The following ANKRD11 variants were observed in gnomAD, a reference collection of about 807,000 sequenced individuals.
The protein encoded by ANKRD11 is ankyrin repeat domain 11.
A neutral mutation model predicts 195.7 loss-of-function variants in ANKRD11; 17 were observed. That is an observed-to-expected ratio of 0.09 (90% CI 0.06 to 0.13). The LOEUF (loss-of-function observed/expected upper bound fraction) is 0.13, where lower values mean the gene tolerates loss of function less well. ANKRD11 is among the 10% of genes least tolerant of loss of function. The pLI is 1.00. For missense variants in ANKRD11, 3,735 were observed against 3,566.1 expected (o/e 1.05, Z -1.21); for synonymous variants, 1,953 against 1,528.1 (o/e 1.28, Z -6.49).
At chr16:89,426,670 C>A (rs112709248) in intron 1 of ANKRD11, among the ~76,000 whole-genome samples, 1 of 152,150 alleles carries the variant, frequency 6.6e-6, no homozygotes, top group African/African-American at 2.4e-5. Context: ...AGTAAACCCA[C>A]AGAATTCCAA....
chr16:89,273,858 A>G (rs2033400730), intron 11 of ANKRD11, among the ~76,000 whole-genome samples: 2 of 152,184 alleles, frequency 1.3e-5, no homozygotes, highest in Admixed American at 1.3e-4. Context: ...TGCACTGCTC[A>G]GAGTGCCCAG....
chr16:89,340,437 G>A (rs2038601199), intron 2 of ANKRD11, among the ~76,000 whole-genome samples: 1 of 152,180 alleles, frequency 6.6e-6, no homozygotes, highest in Admixed American at 6.5e-5. Context: ...ACCATGCCTG[G>A]CTAGTTTTTG....
At chr16:89,313,674 A>G (rs532929663) in intron 3 of ANKRD11, 4 of 1,163,508 alleles carry the variant, frequency 3.4e-6, no homozygotes, top group South Asian at 2.6e-5. Context: ...AAACCATTTC[A>G]GCCTGTACCA....
chr16:89,312,735 CG>C (rs2036679683), intron 3 of ANKRD11, among the ~76,000 whole-genome samples: 2 of 152,316 alleles, frequency 1.3e-5, no homozygotes, highest in Admixed American at 1.3e-4. Flanking sequence ...CCGAAGCATG[CG>C]GGGGAGTTCT....
intron 1 of ANKRD11, among the ~76,000 whole-genome samples, chr16:89,437,819 C>T (rs1203108111): frequency 2.0e-5 from 3 of 152,196 alleles, no homozygotes; most frequent in Admixed American, 1.3e-4. Flanking sequence ...GCAACCCACC[C>T]TCCAGGGCAC....
At chr16:89,431,997 T>A (rs2042998680) in intron 1 of ANKRD11, among the ~76,000 whole-genome samples, 1 of 152,094 alleles carries the variant, frequency 6.6e-6, no homozygotes. Context: ...CCCATCACTG[T>A]CACTCCTCCC....
intron 1 of ANKRD11, among the ~76,000 whole-genome samples, chr16:89,424,468 A>C (rs577692178): frequency 6.6e-6 from 1 of 152,040 alleles, no homozygotes; most frequent in East Asian, 1.9e-4. Flanking sequence ...GAGAAAGAAA[A>C]AAGTCTCATT....
At chr16:89,414,346 T>C (rs1434474068) in intron 2 of ANKRD11, among the ~76,000 whole-genome samples, 1 of 152,072 alleles carries the variant, frequency 6.6e-6, no homozygotes, top group Non-Finnish European at 1.5e-5. Context: ...AACACCCACA[T>C]GTTGCAAGGG....
intron 2 of ANKRD11, among the ~76,000 whole-genome samples, chr16:89,366,714 C>G (rs904792696): frequency 6.6e-6 from 1 of 152,182 alleles, no homozygotes; most frequent in African/African-American, 2.4e-5. Flanking sequence ...CAACTGGACA[C>G]CATCCATGAC....
chr16:89,483,619 G>A (rs568576693), intron 1 of ANKRD11, among the ~76,000 whole-genome samples: 3 of 152,224 alleles, frequency 2.0e-5, no homozygotes, highest in African/African-American at 4.8e-5. Flanking sequence ...ACCTGAGGTC[G>A]GGAGTTTGAG....
chr16:89,370,302 GAGA>G (rs1427903873), intron 2 of ANKRD11, among the ~76,000 whole-genome samples: 2 of 152,200 alleles, frequency 1.3e-5, no homozygotes, highest in African/African-American at 4.8e-5. Context: ...CTCTGAGGAT[GAGA>G]AGATGTTTCT....
chr16:89,447,976 T>C (rs1186060344), intron 1 of ANKRD11, among the ~76,000 whole-genome samples: 1 of 152,024 alleles, frequency 6.6e-6, no homozygotes, highest in Non-Finnish European at 1.5e-5. Context: ...GGCTCATTTT[T>C]GTATTTTTAG....
chr16:89,471,723 T>G (rs1323897480), intron 1 of ANKRD11, among the ~76,000 whole-genome samples: 1 of 136,396 alleles, frequency 7.3e-6, no homozygotes, highest in African/African-American at 2.8e-5. Context: ...AGGCAGAGGT[T>G]GCAGTGAGCT....
intron 2 of ANKRD11, among the ~76,000 whole-genome samples, chr16:89,341,231 C>G (rs2038641344): frequency 6.6e-6 from 1 of 152,254 alleles, no homozygotes; most frequent in Non-Finnish European, 1.5e-5. Context: ...CTGCTGCCAT[C>G]ATGGCAAGCA....
intron 3 of ANKRD11, among the ~76,000 whole-genome samples, chr16:89,314,408 C>G (rs921160691): frequency 5.9e-5 from 9 of 152,198 alleles, no homozygotes; most frequent in African/African-American, 1.9e-4. Context: ...GCCAGTTCAT[C>G]AAGTCTCTCT....
chr16:89,471,051 C>G (rs1044653965), intron 1 of ANKRD11, among the ~76,000 whole-genome samples: 1 of 151,282 alleles, frequency 6.6e-6, no homozygotes, highest in Admixed American at 6.6e-5. Context: ...CCTACATCCT[C>G]AATTTAAAAG....
intron 2 of ANKRD11, 123 bp from the exon 3 acceptor site, chr16:89,317,201 G>T: frequency 1.3e-6 from 1 of 754,924 alleles, no homozygotes; most frequent in Admixed American, 2.1e-5. Flanking sequence ...ATCAGGGCTG[G>T]GGCCCGGGCC....
intron 2 of ANKRD11, among the ~76,000 whole-genome samples, chr16:89,377,151 G>A (rs1221725709): frequency 2.0e-5 from 3 of 152,166 alleles, no homozygotes; most frequent in Admixed American, 1.3e-4. Flanking sequence ...CAGCAGAGGC[G>A]TCAACGTGGT....
In ANKRD11 at chr16:89,317,069, C is replaced by T. The variant is rs767741322; in HGVS notation, c.-50G>A. ...ATTTACACGGCCGGCGCTTCATCAT[C>T]AACCGTCTGCTTCAAAAGAGAAGAC... On this transcript the variant is annotated 5_prime_UTR_variant, in exon 3 of 13. Transcript: ENST00000301030. 1.9e-6 allele frequency: 3 copies of T among 1,568,488 alleles called. No individual in the cohort carries two copies. In the South Asian group the frequency reaches 3.4e-5, roughly 18 times the overall value.
Sources: allele counts gnomAD v4.1 joint callset (sites outside exome capture counted in the v4.1 genomes callset), GRCh38; gene constraint gnomAD v4.1.1; transcripts MANE v1.5; gene names NCBI Gene and HGNC (gene_info 2026-07-23, HGNC 2026-07-21).